The following PCDH15 variants were observed in gnomAD, a reference collection of about 807,000 sequenced individuals.
PCDH15 encodes protocadherin-15.
PCDH15 carries 129 observed loss-of-function variants against 178.5 expected under a neutral mutation model. The ratio of observed to expected loss-of-function variants is 0.72; its 90% CI spans 0.63 to 0.84. PCDH15 has a LOEUF of 0.84. PCDH15 is among the 40% of genes least tolerant of loss of function. PCDH15 has a pLI of 0.00. For missense variants in PCDH15, 2,230 were observed against 2,099.9 expected, an observed-to-expected ratio of 1.06 and a Z score of -1.21; for synonymous variants, 800 against 732.0, an observed-to-expected ratio of 1.09 and a Z score of -1.50.
chr10:54,421,046 T>C (rs1955213358), intron 3 of PCDH15, among the ~76,000 whole-genome samples: 1 of 152,074 alleles, frequency 6.6e-6, no homozygotes, highest in Non-Finnish European at 1.5e-5. Context: ...TCATACCCTA[T>C]AGCTTTCTAC....
At chr10:54,542,653 T>A (rs1394445193) in intron 2 of PCDH15, among the ~76,000 whole-genome samples, 2 of 152,196 alleles carry the variant, frequency 1.3e-5, no homozygotes, top group African/African-American at 4.8e-5. Context: ...TACAGAGGAA[T>A]GTTTCATATA....
rs1838657058 is a variant in PCDH15, at chr10:55,422,861, G to A, written c.-156+204764C>T. 2.6e-5 allele frequency among the ~76,000 whole-genome samples: 4 copies of A among 151,654 alleles called. No homozygotes were observed. The South Asian group carries it at 8.3e-4, about 31-fold the overall frequency. On this transcript the variant is annotated intron_variant, in intron 2 of 5. Transcript: ENST00000613346. ...TTATAGATAAGAAAGAATGCCAAAG[G>A]AAATAAAACTAATGTCACATAGTTC...
chr10:55,082,325 C>A (rs1362228007), intron 2 of PCDH15, among the ~76,000 whole-genome samples: 3 of 151,442 alleles, frequency 2.0e-5, no homozygotes, highest in Admixed American at 1.3e-4. Flanking sequence ...ATCAGTGAGT[C>A]CATGAAAAAA....
At chr10:54,492,149 A>T (rs943318717) in intron 3 of PCDH15, among the ~76,000 whole-genome samples, 5 of 152,196 alleles carry the variant, frequency 3.3e-5, no homozygotes, top group African/African-American at 1.2e-4. Flanking sequence ...CATTCCAAGT[A>T]GTAGCTTAAA....
intron 2 of PCDH15, among the ~76,000 whole-genome samples, chr10:55,094,504 C>A (rs1405627735): frequency 6.6e-6 from 1 of 151,660 alleles, no homozygotes; most frequent in Non-Finnish European, 1.5e-5. Flanking sequence ...AACAAACCTG[C>A]ATGTTATGCA....
chr10:54,617,522 T>TG lies in PCDH15; in HGVS notation c.91+46649dup, dbSNP rs148806974. On this transcript the variant is annotated intron_variant, in intron 2 of 37. Coordinates refer to ENST00000644397, the MANE Select transcript of PCDH15 (RefSeq NM_001384140.1). ...CTATACAGCTAAAATTTTTGTGACC[T>TG]GGGTACCTGGACTTCAATTGAGTGA... Among the ~76,000 whole-genome samples the TG allele has an allele frequency of 8.1e-3, 1,225 of 152,100 alleles. 18 individuals carry two copies. Among genetic ancestry groups the TG allele is most frequent in the African/African-American group, 0.028 (1,166 of 41,514 alleles).
intron 18 of PCDH15, 91 bp downstream of exon 18, chr10:54,066,661 GATTAC>G (rs1398139928): frequency 1.6e-6 from 2 of 1,252,056 alleles, no homozygotes; most frequent in Non-Finnish European, 2.3e-6. Context: ...TCATTTAACA[GATTAC>G]ATTAGCTGAG....
intron 21 of PCDH15, among the ~76,000 whole-genome samples, chr10:53,975,996 G>A (rs1311338359): frequency 1.3e-5 from 2 of 152,130 alleles, no homozygotes; most frequent in South Asian, 2.1e-4. Context: ...TGGCTAGCGA[G>A]TATACTAGCA....
intron 2 of PCDH15, among the ~76,000 whole-genome samples, chr10:55,361,086 G>A (rs1412941750): frequency 6.6e-6 from 1 of 151,876 alleles, no homozygotes; most frequent in African/African-American, 2.4e-5. Context: ...AGTAAAATAA[G>A]CCACTCACAA....
intron 8 of PCDH15, among the ~76,000 whole-genome samples, chr10:54,285,158 A>G (rs2058955848): frequency 1.3e-5 from 2 of 152,176 alleles, no homozygotes; most frequent in Admixed American, 1.3e-4. Context: ...TGAGAAGTCA[A>G]CCATATAATA....
intron 1 of PCDH15, among the ~76,000 whole-genome samples, chr10:55,314,762 T>C (rs1012152868): frequency 6.6e-5 from 10 of 152,152 alleles, no homozygotes; most frequent in Non-Finnish European, 1.5e-5. Context: ...TCTAAGTTTA[T>C]TGAGTTTCTA....
chr10:55,399,683 G>T (rs1838018289), intron 2 of PCDH15, among the ~76,000 whole-genome samples: 1 of 152,102 alleles, frequency 6.6e-6, no homozygotes, highest in Admixed American at 6.6e-5. Flanking sequence ...TCTGAAGAAG[G>T]TCTGATATAT....
chr10:55,059,791 A>T (rs769968904), intron 2 of PCDH15, among the ~76,000 whole-genome samples: 1 of 152,122 alleles, frequency 6.6e-6, no homozygotes, highest in Non-Finnish European at 1.5e-5. Flanking sequence ...ACTGATAAAT[A>T]TTGCTGGACA....
chr10:55,282,364 A>G (rs535912173), intron 1 of PCDH15, among the ~76,000 whole-genome samples: 3 of 152,288 alleles, frequency 2.0e-5, no homozygotes, highest in Admixed American at 2.0e-4. Flanking sequence ...TTCAAATATC[A>G]TTCCTTGATT....
intron 5 of PCDH15, among the ~76,000 whole-genome samples, chr10:54,357,076 A>G (rs1945130399): frequency 6.6e-6 from 1 of 152,128 alleles, no homozygotes; most frequent in Non-Finnish European, 1.5e-5. Flanking sequence ...CAAAAACTGG[A>G]AGCATTCCCT....
chr10:54,361,959 T>C (rs1030956646), intron 5 of PCDH15, among the ~76,000 whole-genome samples: 1 of 152,054 alleles, frequency 6.6e-6, no homozygotes, highest in African/African-American at 2.4e-5. Flanking sequence ...TTATCAGCAG[T>C]GAGATCTTGA....
chr10:54,216,044 G>GGAAAAAAAAAAA (rs1305937392), intron 9 of PCDH15, among the ~76,000 whole-genome samples: 4 of 70,390 alleles, frequency 5.7e-5, no homozygotes, highest in African/African-American at 1.9e-4. Flanking sequence ...CTCCGTCTCA[G>GGAAAAAAAAAAA]AAAAAAAAAA....
intron 1 of PCDH15, among the ~76,000 whole-genome samples, chr10:55,238,377 C>G (rs2211538): frequency 0.77 from 116,091 of 151,674 alleles, 44,913 homozygotes; most frequent in Non-Finnish European, 0.82. Flanking sequence ...GTCTCGATCT[C>G]CTGACCTCGT....
chr10:54,649,223 CATGAA>C, intron 2 of PCDH15, among the ~76,000 whole-genome samples: 1 of 152,148 alleles, frequency 6.6e-6, no homozygotes, highest in African/African-American at 2.4e-5. Context: ...CTGAAGAAAG[CATGAA>C]TTCATAGTTT....
Sources: gnomAD v4.1 joint callset for allele counts (sites outside exome capture counted in the v4.1 genomes callset) on GRCh38, gnomAD v4.1.1 for gene constraint, MANE v1.5 for transcripts, NCBI Gene and HGNC (gene_info 2026-07-23, HGNC 2026-07-21) for gene names.